Variants in SMIM35 observed in about 807,000 individuals in gnomAD.
SMIM35 encodes small integral membrane protein 35.
chr11:118,046,773 C>T (rs1221765485), intron 1 of SMIM35, among the ~76,000 whole-genome samples: 4 of 152,146 alleles, frequency 2.6e-5, no homozygotes, highest in Non-Finnish European at 5.9e-5. Flanking sequence ...CAGACTGACA[C>T]CGTTTGAGTC....
chr11:118,023,609 T>C (rs1419279737), intron 1 of SMIM35, among the ~76,000 whole-genome samples: 1 of 146,940 alleles, frequency 6.8e-6, no homozygotes, highest in Non-Finnish European at 1.5e-5. Flanking sequence ...AACTACAACA[T>C]CTGAGATGAA....
Position 118,003,788 on chromosome 11 carries a change from T to C in SMIM35, c.*2622A>G, listed in dbSNP as rs2058109012. Reference sequence around the variant, plus strand: ...GGAGCCTGTCATCTGGTTATGAAGATAAACACCAAGCAAATAAACACAACA... The same window carrying C: ...GGAGCCTGTCATCTGGTTATGAAGACAAACACCAAGCAAATAAACACAACA... On this transcript the variant is annotated 3_prime_UTR_variant, in exon 5 of 5. Coordinates refer to ENST00000689828, the MANE Select transcript of SMIM35 (RefSeq NM_001394165.1). 1.3e-5 allele frequency: 2 copies of C among 152,138 alleles called. No homozygotes were observed. Among genetic ancestry groups the C allele is most frequent in the Admixed American group, 1.3e-4 (2 of 15,276 alleles). The allele number at this position is 152,138 out of a possible 1,614,324, so 9.4% of individuals were successfully genotyped here. A position where few individuals can be genotyped will look rare whatever the true frequency, so the allele number is the denominator to read the frequency against.
intron 1 of SMIM35, among the ~76,000 whole-genome samples, chr11:118,079,356 T>C (rs79205972): frequency 0.016 from 2,477 of 152,148 alleles, 101 homozygotes; most frequent in East Asian, 0.11. Context: ...TCTGTGACAG[T>C]CAGGGTCCTT....
At chr11:118,061,918 C>G (rs553552667) in intron 1 of SMIM35, among the ~76,000 whole-genome samples, 2 of 152,316 alleles carry the variant, frequency 1.3e-5, no homozygotes, top group South Asian at 2.1e-4. Flanking sequence ...TGCCACCTAC[C>G]ACATGGGGCA....
chr11:118,035,664 C>T (rs2058353571), intron 1 of SMIM35, among the ~76,000 whole-genome samples: 1 of 152,118 alleles, frequency 6.6e-6, no homozygotes, highest in African/African-American at 2.4e-5. Flanking sequence ...TCTCTGGGCC[C>T]CAGGAGGATT....
chr11:118,070,963 C>T lies in SMIM35; in HGVS notation c.7+15788G>A, dbSNP rs573021882. ...ACCTGGATCTCAACCCTGCCTGAGC[C>T]TCAGTTTACTCCCTTGTGAAATGGA... On this transcript the variant is annotated intron_variant, in intron 1 of 4. Transcript: ENST00000689828. Among the ~76,000 whole-genome samples, 82 of 152,320 alleles carry T rather than the reference C, an allele frequency of 5.4e-4. 1 individual carries two copies. Among genetic ancestry groups the T allele is most frequent in the African/African-American group, 1.8e-3 (73 of 41,560 alleles).
rs117310398 is a variant in SMIM35, at chr11:118,066,479, C to T, written c.7+20272G>A. Among the ~76,000 whole-genome samples the T allele has an allele frequency of 4.5e-4, 68 of 152,296 alleles. 1 individual carries two copies. In the East Asian group the frequency reaches 0.012, roughly 27 times the overall value. On this transcript the variant is annotated intron_variant, in intron 1 of 4. Coordinates refer to ENST00000689828, the MANE Select transcript of SMIM35 (RefSeq NM_001394165.1). Reference sequence around the variant, plus strand: ...CTCCTGCTTAAACTCCTACTGGCTCCTTATTACCTAGAGCTGTGGTCTCCA... The same window carrying T: ...CTCCTGCTTAAACTCCTACTGGCTCTTTATTACCTAGAGCTGTGGTCTCCA...
chr11:118,078,703 G>A (rs1944886217), intron 1 of SMIM35, among the ~76,000 whole-genome samples: 1 of 152,066 alleles, frequency 6.6e-6, no homozygotes, highest in African/African-American at 2.4e-5. Context: ...GTGTCTCTTG[G>A]GGGAGCAACA....
chr11:118,035,538 C>T (rs1419430125), intron 1 of SMIM35, among the ~76,000 whole-genome samples: 2 of 152,140 alleles, frequency 1.3e-5, no homozygotes, highest in Non-Finnish European at 2.9e-5. Flanking sequence ...TACAGGGGGT[C>T]CAGGTGCCAT....
At chr11:118,058,867 C>T (rs895145941) in intron 1 of SMIM35, among the ~76,000 whole-genome samples, 3 of 152,200 alleles carry the variant, frequency 2.0e-5, no homozygotes, top group Non-Finnish European at 4.4e-5. Flanking sequence ...CCTAAAGCAG[C>T]AAGTGCTTCT....
At chr11:118,077,310 G>A (rs761641998) in intron 1 of SMIM35, 12 of 1,600,436 alleles carry the variant, frequency 7.5e-6, no homozygotes, top group Non-Finnish European at 1.0e-5. Context: ...AGCATGGTGA[G>A]TGTGGGGCCC....
intron 1 of SMIM35, among the ~76,000 whole-genome samples, chr11:118,032,898 ACT>A (rs1391180727): frequency 6.6e-6 from 1 of 152,108 alleles, no homozygotes; most frequent in Admixed American, 6.5e-5. Flanking sequence ...ACAGAATGAG[ACT>A]CTGTCTCAAA....
chr11:118,020,543 C>T (rs2135032529), intron 1 of SMIM35, among the ~76,000 whole-genome samples: 2 of 152,252 alleles, frequency 1.3e-5, no homozygotes, highest in Middle Eastern at 6.8e-3. Flanking sequence ...TATTTTGGGT[C>T]ATCTTTTATA....
At chr11:118,055,469 CTTTG>C (rs1944296075) in intron 1 of SMIM35, among the ~76,000 whole-genome samples, 1 of 152,174 alleles carries the variant, frequency 6.6e-6, no homozygotes, top group African/African-American at 2.4e-5. Context: ...CCAAGACATG[CTTTG>C]TTTGTGCTTT....
intron 1 of SMIM35, among the ~76,000 whole-genome samples, chr11:118,024,355 TA>T (rs752371203): frequency 6.6e-6 from 1 of 152,238 alleles, no homozygotes; most frequent in Non-Finnish European, 1.5e-5. Context: ...TCTTTTTAAC[TA>T]AACCATATGT....
intron 1 of SMIM35, among the ~76,000 whole-genome samples, chr11:118,017,747 A>T (rs945555492): frequency 2.0e-5 from 3 of 151,920 alleles, no homozygotes; most frequent in African/African-American, 7.3e-5. Flanking sequence ...ACAGTTCAGC[A>T]TGGCTGGGGA....
intron 1 of SMIM35, among the ~76,000 whole-genome samples, chr11:118,017,973 G>A (rs117434739): frequency 0.015 from 2,354 of 152,270 alleles, 60 homozygotes; most frequent in Admixed American, 0.074. Flanking sequence ...ACAACACATG[G>A]GGATTATGGG....
At chr11:118,048,287 A>T (rs1944135527) in intron 1 of SMIM35, among the ~76,000 whole-genome samples, 1 of 152,142 alleles carries the variant, frequency 6.6e-6, no homozygotes, top group East Asian at 1.9e-4. Flanking sequence ...AGGCGGTCAG[A>T]TCACCTGAGG....
intron 1 of SMIM35, among the ~76,000 whole-genome samples, chr11:118,079,595 C>CGCACCCTGA (rs1378743320): frequency 6.6e-6 from 1 of 152,196 alleles, no homozygotes; most frequent in Non-Finnish European, 1.5e-5. Context: ...GAGACCTAAA[C>CGCACCCTGA]GCACCCTGAG....
Sources: gnomAD v4.1 joint callset for allele counts (sites outside exome capture counted in the v4.1 genomes callset) on GRCh38, gnomAD v4.1.1 for gene constraint, MANE v1.5 for transcripts, NCBI Gene and HGNC (gene_info 2026-07-23, HGNC 2026-07-21) for gene names.